Variants in BTBD2 observed in about 807,000 individuals in gnomAD.
BTBD2 encodes BTB domain containing 2.
A neutral mutation model predicts 44.0 loss-of-function variants in BTBD2; 15 were observed. The observed-to-expected ratio is 0.34, with a 90% CI of 0.23 to 0.53. BTBD2 has a LOEUF of 0.53. BTBD2 is among the 20% of genes least tolerant of loss of function. BTBD2 has a pLI of 0.95. For synonymous variants in BTBD2, 443 were observed against 335.9 expected (o/e 1.32, Z -3.49); for missense variants, 657 against 746.4 (o/e 0.88, Z 1.39).
In BTBD2 at chr19:1,985,876, C is replaced by T. The variant is rs2145612549; in HGVS notation, c.*612G>A. 6.5e-6 allele frequency: 1 copy of T among 153,416 alleles called. No individual in the cohort carries two copies. Among genetic ancestry groups the T allele is most frequent in the Admixed American group, 6.5e-5 (1 of 15,472 alleles). The allele number at this position is 153,416 out of a possible 1,614,324, so 9.5% of individuals were successfully genotyped here. A position where few individuals can be genotyped will look rare whatever the true frequency, so the allele number is the denominator to read the frequency against. ...GCTCACCACCTGGGCCAGGGCTAGGCCTATCCGGCAGGGGCCGTCCCCACA... is the reference window on the plus strand; with the variant it reads ...GCTCACCACCTGGGCCAGGGCTAGGTCTATCCGGCAGGGGCCGTCCCCACA... On this transcript the variant is annotated 3_prime_UTR_variant, in exon 9 of 9. Transcript: ENST00000255608.
chr19:1,999,814 T>C lies in BTBD2; in HGVS notation c.408-2351A>G, dbSNP rs1474305738. 3.3e-5 allele frequency among the ~76,000 whole-genome samples: 5 copies of C among 151,508 alleles called. No homozygotes were observed. The South Asian group carries it at 1.0e-3, about 32-fold the overall frequency. On this transcript the variant is annotated intron_variant, in intron 1 of 8. Transcript: ENST00000255608. ...CCGTCTCTACTAAAAATACAAAAATTAGCTGGGCGTGGTGGTGGGTGCCTG... is the reference window on the plus strand; with the variant it reads ...CCGTCTCTACTAAAAATACAAAAATCAGCTGGGCGTGGTGGTGGGTGCCTG...
intron 1 of BTBD2, among the ~76,000 whole-genome samples, chr19:2,000,981 T>C (rs1357326805): frequency 6.6e-6 from 1 of 152,126 alleles, no homozygotes; most frequent in Non-Finnish European, 1.5e-5. Context: ...AGTCCTCAGA[T>C]TCAGAGACAG....
intron 1 of BTBD2, among the ~76,000 whole-genome samples, chr19:2,012,139 C>A (rs563920221): frequency 6.7e-6 from 1 of 149,904 alleles, no homozygotes; most frequent in South Asian, 2.1e-4. Context: ...CAGGCGTGAG[C>A]CACCGCGCCC....
intron 1 of BTBD2, among the ~76,000 whole-genome samples, chr19:1,999,445 C>G (rs572530954): frequency 6.6e-6 from 1 of 152,200 alleles, no homozygotes; most frequent in East Asian, 1.9e-4. Context: ...GCGGGAGGAT[C>G]GCTTGAGCCC....
chr19:1,990,861 C>T lies in BTBD2; in HGVS notation c.685-39G>A, dbSNP rs757553871. 1.5e-5 allele frequency: 22 copies of T among 1,506,564 alleles called. No individual in the cohort carries two copies. In the East Asian group the frequency reaches 5.4e-4, roughly 37 times the overall value. 93.3% of individuals were successfully genotyped at this position (1,506,564 alleles called of 1,614,324 possible). ...TCGACGGGGGGCGCGGTGGGGACAT[C>T]AGCACCCAGCCCTCGGCAGATCCCC... On this transcript the variant is annotated intron_variant, in intron 3 of 8. Transcript: ENST00000255608.
At chr19:1,997,650 C>T (rs566632212) in intron 1 of BTBD2, among the ~76,000 whole-genome samples, 187 bp from the exon 2 acceptor site, 7 of 152,334 alleles carry the variant, frequency 4.6e-5, no homozygotes, top group East Asian at 1.9e-4. Context: ...GTGATGCAGA[C>T]GGACCCACGG....
chr19:2,000,388 C>T (rs2016313855), intron 1 of BTBD2, among the ~76,000 whole-genome samples: 1 of 152,244 alleles, frequency 6.6e-6, no homozygotes, highest in Non-Finnish European at 1.5e-5. Flanking sequence ...AAAAATGTAT[C>T]TTGGTCTCCT....
intron 1 of BTBD2, among the ~76,000 whole-genome samples, chr19:2,005,357 C>T (rs2016382208): frequency 6.6e-6 from 1 of 152,148 alleles, no homozygotes; most frequent in Non-Finnish European, 1.5e-5. Flanking sequence ...ACTCTGTCAC[C>T]CAGGCTGGAG....
At chr19:2,011,132 C>T (rs544620343) in intron 1 of BTBD2, among the ~76,000 whole-genome samples, 19 of 152,236 alleles carry the variant, frequency 1.2e-4, no homozygotes, top group African/African-American at 3.9e-4. Context: ...ACATCCAAGC[C>T]AGTACTTGTC....
intron 1 of BTBD2, among the ~76,000 whole-genome samples, chr19:2,009,036 C>A (rs1487146540): frequency 6.7e-6 from 1 of 148,282 alleles, no homozygotes; most frequent in Non-Finnish European, 1.5e-5. Flanking sequence ...TTTTTTTTTC[C>A]AAGACAGAGT....
chr19:2,013,719 C>G, intron 1 of BTBD2: 1 of 977,378 alleles, frequency 1.0e-6, no homozygotes, highest in Non-Finnish European at 1.2e-6. Flanking sequence ...GGGGGTATCC[C>G]TGGAGGGGAG....
At chr19:2,001,656 G>A (rs570543900) in intron 1 of BTBD2, among the ~76,000 whole-genome samples, 30 of 152,326 alleles carry the variant, frequency 2.0e-4, no homozygotes, top group African/African-American at 6.7e-4. Flanking sequence ...GAGGGTGGCC[G>A]TCCCGAGCCC....
chr19:2,004,964 C>T (rs990370272), intron 1 of BTBD2, among the ~76,000 whole-genome samples: 7 of 151,878 alleles, frequency 4.6e-5, no homozygotes, highest in African/African-American at 1.2e-4. Flanking sequence ...GGACTACAGG[C>T]GCCCACCACC....
At chr19:2,013,511 G>T in intron 1 of BTBD2, 2 of 986,066 alleles carry the variant, frequency 2.0e-6, no homozygotes, top group Non-Finnish European at 2.4e-6. Context: ...ATCATAGGAT[G>T]GGGTGCAGGG....
At position 2,001,416 on chromosome 19, in the gene BTBD2, C is replaced by G. The variant is rs2016328715; in HGVS notation, c.408-3953G>C. On this transcript the variant is annotated intron_variant, in intron 1 of 8. Transcript: ENST00000255608. The stretch of plus-strand genomic sequence containing the variant: ...CTGAGGCAGGAGAATTGCTTGAACC[C>G]TGGAGGCGGAGGTCGCAGTGAGCTG... Among the ~76,000 whole-genome samples the G allele has an allele frequency of 3.3e-5, 5 of 152,278 alleles. No homozygotes were observed. The South Asian group carries it at 1.0e-3, about 32-fold the overall frequency.
chr19:1,997,353 G>A lies in BTBD2; in HGVS notation c.518C>T (p.Ala173Val), dbSNP rs752901269. The change falls in exon 2 of 9, where the codon GCA becomes GTA. Residue 173 changes from alanine to valine, a missense_variant. By Grantham distance (64) the Ala-to-Val change is moderately conservative (BLOSUM62 0). Coordinates refer to ENST00000255608, the MANE Select transcript of BTBD2 (RefSeq NM_017797.4). ...CATCCGGAAGCATTACTTGAGCAGT[G>A]CGAGGAAGGCAGCGGGTTCCACGTC... The part of the protein sequence containing the change: ...LPDVEPAAFL[A>V]LLKFLYSDEV... 48 of 1,614,056 alleles carry A rather than the reference G, an allele frequency of 3.0e-5. No individual in the cohort carries two copies. Among genetic ancestry groups the A allele is most frequent in the Non-Finnish European group, 4.0e-5 (47 of 1,180,046 alleles).
chr19:2,012,853 G>A (rs1213150846), intron 1 of BTBD2, among the ~76,000 whole-genome samples: 2 of 152,142 alleles, frequency 1.3e-5, no homozygotes, highest in Admixed American at 1.3e-4. Context: ...CGGTGCCCGG[G>A]GCGCCCCACC....
In BTBD2 at chr19:1,998,631, G is replaced by A. The variant is rs1018997446; in HGVS notation, c.408-1168C>T. 9.9e-5 allele frequency among the ~76,000 whole-genome samples: 15 copies of A among 152,254 alleles called. No individual in the cohort carries two copies. The East Asian group carries it at 1.5e-3, about 16-fold the overall frequency. On this transcript the variant is annotated intron_variant, in intron 1 of 8. Coordinates refer to ENST00000255608, the MANE Select transcript of BTBD2 (RefSeq NM_017797.4). ...CTCCCCAAGAGCCGGCTATGAACCC[G>A]CGTTTGGCCAGGTCTGTATGGGGTG...
intron 1 of BTBD2, among the ~76,000 whole-genome samples, chr19:2,012,068 A>C (rs887560743): frequency 8.6e-5 from 13 of 151,394 alleles, no homozygotes; most frequent in Admixed American, 4.0e-4. Context: ...GTTGGCCAGG[A>C]TGGTCTCAAA....
Sources: allele counts gnomAD v4.1 joint callset (sites outside exome capture counted in the v4.1 genomes callset), GRCh38; gene constraint gnomAD v4.1.1; transcripts MANE v1.5; gene names NCBI Gene and HGNC (gene_info 2026-07-23, HGNC 2026-07-21).